Variants in PRICKLE1 observed in about 807,000 individuals in gnomAD.
The protein encoded by PRICKLE1 is prickle-like protein 1.
Under a neutral mutation model 70.2 loss-of-function variants are expected in PRICKLE1, and 14 were observed. The observed-to-expected ratio is 0.20, with a 90% confidence interval of 0.13 to 0.31. PRICKLE1 has a LOEUF of 0.31. PRICKLE1 is among the 10% of genes least tolerant of loss of function. The pLI, the probability that PRICKLE1 is intolerant of heterozygous loss-of-function variation, is 1.00. For missense variants in PRICKLE1, 821 were observed against 1,026.2 expected, an observed-to-expected ratio of 0.80 and a Z score of 2.73; for synonymous variants, 357 against 379.9, an observed-to-expected ratio of 0.94 and a Z score of 0.70.
intron 1 of PRICKLE1, among the ~76,000 whole-genome samples, chr12:42,487,340 AG>A (rs1197694782): frequency 8.5e-5 from 13 of 152,206 alleles, no homozygotes; most frequent in Admixed American, 8.5e-4. Flanking sequence ...AGCTCTTCTT[AG>A]GGCTAACAGG....
At chr12:42,494,715 G>A (rs1247176897) in intron 1 of PRICKLE1, among the ~76,000 whole-genome samples, 1 of 151,268 alleles carries the variant, frequency 6.6e-6, no homozygotes, top group Non-Finnish European at 1.5e-5. Flanking sequence ...GCTGGGGCAG[G>A]AGAATCTCTT....
rs527324617 is a variant in PRICKLE1 at position 42,503,673 on chromosome 12, T to C, written c.-48-31109A>G. On this transcript the variant is annotated intron_variant, in intron 1 of 7. Coordinates refer to ENST00000345127, the MANE Select transcript of PRICKLE1 (RefSeq NM_153026.3). Reference sequence around the variant, plus strand: ...TAAGAAAGCTGATTTCTCTTCTGAGTCTTATAGTCATAGAAGGGTGAATGC... The same window carrying C: ...TAAGAAAGCTGATTTCTCTTCTGAGCCTTATAGTCATAGAAGGGTGAATGC... 3.3e-5 allele frequency among the ~76,000 whole-genome samples: 5 copies of C among 152,280 alleles called. No homozygotes were observed. In the South Asian group the frequency reaches 1.0e-3, roughly 32 times the overall value.
At chr12:42,522,045 G>A (rs1593153116) in intron 1 of PRICKLE1, among the ~76,000 whole-genome samples, 1 of 150,196 alleles carries the variant, frequency 6.7e-6, no homozygotes, top group Non-Finnish European at 1.5e-5. Context: ...GCACGATCTC[G>A]GCTCACTGCA....
chr12:42,459,694 AC>A lies in PRICKLE1; in HGVS notation c.*114del. The A allele has an allele frequency of 1.6e-6, 2 of 1,230,746 alleles. No homozygotes were observed. Among genetic ancestry groups the A allele is most frequent in the East Asian group, 4.6e-5 (2 of 43,120 alleles). 76.2% of individuals were successfully genotyped at this position (1,230,746 alleles called of 1,614,324 possible). On this transcript the variant is annotated 3_prime_UTR_variant, in exon 8 of 8. Coordinates refer to ENST00000345127, the MANE Select transcript of PRICKLE1 (RefSeq NM_153026.3). ...GTAAACAGCAGTTGAGTTCTCATTTACATGGGCAAAGAAAGCACTTTAAACT... is the reference window on the plus strand; with the variant it reads ...GTAAACAGCAGTTGAGTTCTCATTTAATGGGCAAAGAAAGCACTTTAAACT...
intron 1 of PRICKLE1, among the ~76,000 whole-genome samples, chr12:42,555,072 G>A (rs1940391985): frequency 6.6e-6 from 1 of 152,080 alleles, no homozygotes; most frequent in South Asian, 2.1e-4. Context: ...GGAGGCCGAG[G>A]AGGGTGGATC....
intron 1 of PRICKLE1, among the ~76,000 whole-genome samples, chr12:42,543,432 A>G (rs1315149532): frequency 6.6e-6 from 1 of 150,798 alleles, no homozygotes; most frequent in African/African-American, 2.4e-5. Flanking sequence ...TCCTGAGCTC[A>G]AGTGATCCTC....
intron 1 of PRICKLE1, chr12:42,482,903 G>T (rs1045721885): frequency 1.3e-5 from 2 of 152,158 alleles, no homozygotes; most frequent in Non-Finnish European, 2.9e-5. Context: ...AGCGGGCGTC[G>T]GCGCCCCCTG....
chr12:42,525,855 T>C (rs958450698), intron 1 of PRICKLE1, among the ~76,000 whole-genome samples: 2 of 152,060 alleles, frequency 1.3e-5, no homozygotes, highest in Non-Finnish European at 2.9e-5. Flanking sequence ...TGATAATACA[T>C]ACAAAGCACC....
chr12:42,508,238 C>A (rs182262879), intron 1 of PRICKLE1, among the ~76,000 whole-genome samples: 1 of 152,162 alleles, frequency 6.6e-6, no homozygotes, highest in Admixed American at 6.5e-5. Flanking sequence ...GGATCCTCCA[C>A]GCTCATACTG....
At position 42,460,537 on chromosome 12, in the gene PRICKLE1, T is replaced by C. The variant is rs757362404; in HGVS notation, c.1768A>G (p.Arg590Gly). The change falls in exon 8 of 8, where the codon AGG becomes GGG. Residue 590 changes from arginine (R) to glycine (G), a missense_variant. Physicochemically the swap from Arg to Gly is moderately radical, Grantham distance 125 (BLOSUM62 -2). Transcript: ENST00000345127. ...MGTLNSSMLH[R>G]SAESLKSLSS... ...AGACTCTTTAAGGACTCTGCACTCCTGTGCAGCATGGAAGAGTTCAAAGTT... is the reference window on the plus strand; with the variant it reads ...AGACTCTTTAAGGACTCTGCACTCCCGTGCAGCATGGAAGAGTTCAAAGTT... 1 of 1,614,174 alleles carries C rather than the reference T, an allele frequency of 6.2e-7. No homozygotes were observed. The highest frequency in any genetic ancestry group is 8.5e-7 in the Non-Finnish European group (1 of 1,180,002).
intron 1 of PRICKLE1, among the ~76,000 whole-genome samples, chr12:42,507,490 G>C (rs1939440833): frequency 6.6e-6 from 1 of 152,172 alleles, no homozygotes; most frequent in South Asian, 2.1e-4. Flanking sequence ...GTTCACAATT[G>C]TATCTCTTGC....
At chr12:42,532,619 CG>C (rs1364799523) in intron 1 of PRICKLE1, among the ~76,000 whole-genome samples, 1 of 152,088 alleles carries the variant, frequency 6.6e-6, no homozygotes, top group Non-Finnish European at 1.5e-5. Context: ...TTGTTCCGGC[CG>C]GGCGCGGTGG....
In PRICKLE1 at chr12:42,460,094, G is replaced by A; in HGVS notation, c.2211C>T (p.Ala737=). The A allele has an allele frequency of 6.2e-7, 1 of 1,614,144 alleles. No homozygotes were observed. The highest frequency in any genetic ancestry group is 1.1e-5 in the South Asian group (1 of 91,078). The part of the protein sequence containing the change: ...NADLYGQYAH[A]TSDYGLQNPG... ...GGTTCTGCAGGCCATAATCGGAAGT[G>A]GCATGGGCGTACTGTCCGTAGAGAT... The change falls in exon 8 of 8, where the codon GCC becomes GCT. Residue 737 remains alanine, a synonymous_variant. Coordinates refer to ENST00000345127, the MANE Select transcript of PRICKLE1 (RefSeq NM_153026.3).
At chr12:42,577,526 A>G (rs545000372) in intron 1 of PRICKLE1, among the ~76,000 whole-genome samples, 2 of 152,312 alleles carry the variant, frequency 1.3e-5, no homozygotes, top group South Asian at 2.1e-4. Context: ...TTGGGTGGTG[A>G]GAATGATGAG....
intron 1 of PRICKLE1, among the ~76,000 whole-genome samples, chr12:42,572,965 A>G (rs1219046143): frequency 6.6e-6 from 1 of 152,174 alleles, no homozygotes; most frequent in Non-Finnish European, 1.5e-5. Flanking sequence ...AACCCAAAGC[A>G]CATAGATTTC....
At chr12:42,501,510 A>AC (rs1311101817) in intron 1 of PRICKLE1, among the ~76,000 whole-genome samples, 1 of 66,686 alleles carries the variant, frequency 1.5e-5, no homozygotes, top group Non-Finnish European at 3.0e-5. Flanking sequence ...CTCCATCTCA[A>AC]AAAAAAAAAA....
intron 5 of PRICKLE1, among the ~76,000 whole-genome samples, chr12:42,466,987 C>T (rs999025911): frequency 2.0e-5 from 3 of 152,210 alleles, no homozygotes; most frequent in African/African-American, 7.2e-5. Context: ...AGCGATCCTC[C>T]CACCTCTGCC....
At chr12:42,566,672 C>A (rs1340883481) in intron 1 of PRICKLE1, among the ~76,000 whole-genome samples, 1 of 152,150 alleles carries the variant, frequency 6.6e-6, no homozygotes, top group African/African-American at 2.4e-5. Flanking sequence ...AACTCTGAAT[C>A]TTTAATTAAA....
intron 1 of PRICKLE1, among the ~76,000 whole-genome samples, chr12:42,539,842 G>A (rs988383740): frequency 2.6e-5 from 4 of 152,184 alleles, no homozygotes; most frequent in African/African-American, 9.7e-5. Flanking sequence ...TGAAAGAAAT[G>A]TCAAGTATGC....
Sources: allele counts gnomAD v4.1 joint callset (sites outside exome capture counted in the v4.1 genomes callset), GRCh38; gene constraint gnomAD v4.1.1; transcripts MANE v1.5; gene names NCBI Gene and HGNC (gene_info 2026-07-23, HGNC 2026-07-21).